Variants in CNTROB observed in about 807,000 individuals in gnomAD.
The protein encoded by CNTROB is centrobin, centriole duplication and spindle assembly protein, also known as centrobin.
Under a neutral mutation model 115.7 loss-of-function variants are expected in CNTROB, and 82 were observed. The ratio of observed to expected loss-of-function variants is 0.71; its 90% CI spans 0.59 to 0.85. The LOEUF (loss-of-function observed/expected upper bound fraction) is 0.85, where lower values mean the gene tolerates loss of function less well. Among genes scored for constraint, CNTROB ranks in the 40% least tolerant of loss-of-function variants. CNTROB has a pLI of 0.00. For missense variants in CNTROB, 1,014 were observed against 1,144.4 expected (o/e 0.89, Z 1.64); for synonymous variants, 439 against 456.4 (o/e 0.96, Z 0.49).
At chr17:7,933,614 G>T (rs1972788752) in intron 1 of CNTROB, among the ~76,000 whole-genome samples, 2 of 152,194 alleles carry the variant, frequency 1.3e-5, no homozygotes, top group Non-Finnish European at 1.5e-5. Context: ...GGGTAGGTTG[G>T]TGAGCTATTT....
In CNTROB at chr17:7,940,100, A is replaced by G; in HGVS notation, c.1169A>G (p.Lys390Arg). Residue 390 changes from lysine to arginine, a missense_variant, in exon 9 of 19, where the codon AAG (lysine) becomes AGG (arginine). Coordinates refer to ENST00000563694, the MANE Select transcript of CNTROB (RefSeq NM_053051.5). ...CATTTGATTTGTCTTTCATAGGAGA[A>G]GAGCCAGAGGGAAGCCCAGGCCGCC... ...SQAQLEREKE[K>R]SQREAQAAWE... is the part of the protein sequence containing the mutation. The G allele has an allele frequency of 6.3e-7, 1 of 1,598,528 alleles. No homozygotes were observed. The highest frequency in any genetic ancestry group is 1.1e-5 in the South Asian group (1 of 89,260).
chr17:7,944,394 A>C lies in CNTROB; in HGVS notation c.1572-82A>C, dbSNP rs144132641. On this transcript the variant is annotated intron_variant, in intron 11 of 18. Coordinates refer to ENST00000563694, the MANE Select transcript of CNTROB (RefSeq NM_053051.5). This position sits in a 1 kb window ranked among gnomAD's most constrained non-coding sequence, Gnocchi z 4.0. ...CTCCTTTCAGAATATCAGATGTCCA[A>C]CATTTCCCTTCTGGCTCTTTTTAGC... 122 of 1,583,014 alleles carry C rather than the reference A, an allele frequency of 7.7e-5. No individual in the cohort carries two copies. In the East Asian group the frequency reaches 2.6e-3, roughly 34 times the overall value.
At position 7,947,646 on chromosome 17, in the gene CNTROB, G is replaced by A; in HGVS notation, c.2069G>A (p.Gly690Glu). 1 of 1,614,004 alleles carries A rather than the reference G, an allele frequency of 6.2e-7. No individual in the cohort carries two copies. ...AGGCCATTCCCTGAGGAAGATCCTG[G>A]ACCTGACGGGGAGGGCCTCCTAAAG... ...AERPFPEEDP[G>E]PDGEGLLKQG... is the part of the protein sequence containing the mutation. Residue 690 changes from glycine to glutamate, a missense_variant, in exon 14 of 19, where the codon GGA (glycine) becomes GAA (glutamate). Coordinates refer to ENST00000563694, the MANE Select transcript of CNTROB (RefSeq NM_053051.5).
In CNTROB at chr17:7,943,294, G is replaced by A. The variant is rs2151764582; in HGVS notation, c.1312-97G>A. On this transcript the variant is annotated intron_variant, in intron 9 of 18. Coordinates refer to ENST00000563694, the MANE Select transcript of CNTROB (RefSeq NM_053051.5). The surrounding 1 kb of genome is among the most constrained non-coding windows in gnomAD (Gnocchi z 4.7). ...AATTCTTGTTCTTCATCTCATATGA[G>A]GGGAAAGTTGGTACTGGATTTTGTC... 1.2e-6 allele frequency: 1 copy of A among 842,202 alleles called. No homozygotes were observed. The highest frequency in any genetic ancestry group is 2.7e-5 in the East Asian group (1 of 37,160). 52.2% of individuals were successfully genotyped at this position (842,202 alleles called of 1,614,324 possible).
In CNTROB at chr17:7,939,383, C is replaced by T. The variant is rs1271709913; in HGVS notation, c.928-130C>T. The T allele has an allele frequency of 2.0e-5, 16 of 800,712 alleles. No individual in the cohort carries two copies. The highest frequency in any genetic ancestry group is 8.7e-5 in the Admixed American group (4 of 45,728). The allele number at this position is 800,712 out of a possible 1,614,324, so 49.6% of individuals were successfully genotyped here. On this transcript the variant is annotated intron_variant, in intron 7 of 18. Coordinates refer to ENST00000563694, the MANE Select transcript of CNTROB (RefSeq NM_053051.5). The surrounding 1 kb of genome is among the most constrained non-coding windows in gnomAD (Gnocchi z 4.4). The stretch of plus-strand genomic sequence containing the variant: ...TGCTGGGATTACAGGTGTGAGCCAC[C>T]GCACCCGGCCTAATTATTGTGTTTT...
In CNTROB at chr17:7,947,689, T is replaced by G; in HGVS notation, c.2112T>G (p.Ala704=). The G allele has an allele frequency of 6.2e-7, 1 of 1,613,162 alleles. No individual in the cohort carries two copies. The highest frequency in any genetic ancestry group is 1.1e-5 in the South Asian group (1 of 91,000). Residue 704 remains alanine (A), a synonymous_variant, in exon 14 of 19, where the codon GCT becomes GCG. Coordinates refer to ENST00000563694, the MANE Select transcript of CNTROB (RefSeq NM_053051.5). ...EGLLKQGLPP[A]QLEGLKNFLH... The stretch of plus-strand genomic sequence containing the variant: ...TCCTAAAGCAAGGGCTGCCGCCTGC[T>G]CAGCTGGAGGGCCTCAAGAATTTTT...
Position 7,932,628 on chromosome 17 carries a change from G to A in CNTROB, c.-452G>A. On this transcript the variant is annotated 5_prime_UTR_variant, in exon 1 of 19. Coordinates refer to ENST00000563694, the MANE Select transcript of CNTROB (RefSeq NM_053051.5). The stretch of plus-strand genomic sequence containing the variant: ...TGGAACCAATTGAGGGACTAGTAGG[G>A]CAGGGGGACAGAAATTGGGCTCCTA... The A allele has an allele frequency of 5.9e-6, 1 of 170,206 alleles. No individual in the cohort carries two copies. The highest frequency in any genetic ancestry group is 1.2e-5 in the Non-Finnish European group (1 of 80,062). 10.5% of individuals were successfully genotyped at this position (170,206 alleles called of 1,614,324 possible).
intron 4 of CNTROB, chr17:7,936,000 T>C (rs1449732249): frequency 5.0e-6 from 1 of 200,322 alleles, no homozygotes; most frequent in African/African-American, 2.3e-5. Context: ...CCCTTTATCC[T>C]TGCTGTGTTT....
intron 13 of CNTROB, 149 bp downstream of exon 13, chr17:7,946,135 A>G (rs2151774898): frequency 1.4e-6 from 1 of 699,106 alleles, no homozygotes; most frequent in East Asian, 2.5e-5. Flanking sequence ...ATCTGCTCAC[A>G]TTGGTCCAAA....
chr17:7,943,579 G>C lies in CNTROB; in HGVS notation c.1445+55G>C. 1.5e-5 allele frequency: 23 copies of C among 1,564,070 alleles called. No homozygotes were observed. The highest frequency in any genetic ancestry group is 1.9e-5 in the Non-Finnish European group (22 of 1,147,860). On this transcript the variant is annotated intron_variant, in intron 10 of 18. Coordinates refer to ENST00000563694, the MANE Select transcript of CNTROB (RefSeq NM_053051.5). The surrounding 1 kb of genome is among the most constrained non-coding windows in gnomAD (Gnocchi z 4.7). ...CTCAGCCACAGCACGTATCGTTAGT[G>C]CCAGGCCTGTGTTCCCTTCAATCCC...
chr17:7,947,162 A>AC (rs1332995646), intron 13 of CNTROB, among the ~76,000 whole-genome samples: 1 of 116,834 alleles, frequency 8.6e-6, no homozygotes, highest in Admixed American at 1.0e-4. Flanking sequence ...CTCCATCTCA[A>AC]AAAAAAAAAA....
In CNTROB at chr17:7,949,439, C is replaced by T. The variant is rs549931995; in HGVS notation, c.2641C>T (p.Pro881Ser). 2 of 1,614,164 alleles carry T rather than the reference C, an allele frequency of 1.2e-6. No homozygotes were observed. The highest frequency in any genetic ancestry group is 2.2e-5 in the East Asian group (1 of 44,880). The change falls in exon 19 of 19, where the codon CCT (proline) becomes TCT (serine). Residue 881 changes from proline to serine, a missense_variant. Pro to Ser is a moderately conservative substitution (Grantham distance 74). Transcript: ENST00000563694. ...TGCTACAGCCCCCAAGACTGAAAAA[C>T]CTCCCGCACGGAAGAAAAGTGGGCA... is the stretch of plus-strand genomic sequence containing the variant. ...RLATAPKTEK[P>S]PARKKSGHPA...
At chr17:7,946,927 G>A (rs748100237) in intron 13 of CNTROB, among the ~76,000 whole-genome samples, 5 of 151,728 alleles carry the variant, frequency 3.3e-5, no homozygotes, top group African/African-American at 9.7e-5. Flanking sequence ...TTGGGAGGCC[G>A]AGGCGGGCAG....
At chr17:7,947,525 C>T in intron 13 of CNTROB, 46 bp from the exon 14 acceptor site, 1 of 1,508,476 alleles carries the variant, frequency 6.6e-7, no homozygotes, top group South Asian at 1.3e-5. Flanking sequence ...AAGCCCCTTC[C>T]CCCCTGAACA....
chr17:7,932,347 A>ACC lies in CNTROB; in HGVS notation c.-733_-732insCC. 1 of 165,024 alleles carries ACC rather than the reference A, an allele frequency of 6.1e-6. No individual in the cohort carries two copies. Among genetic ancestry groups the ACC allele is most frequent in the East Asian group, 1.8e-4 (1 of 5,502 alleles). The allele number at this position is 165,024 out of a possible 1,614,324, so 10.2% of individuals were successfully genotyped here. A position where few individuals can be genotyped will look rare whatever the true frequency, so the allele number is the denominator to read the frequency against. On this transcript the variant is annotated 5_prime_UTR_variant, in exon 1 of 19. Transcript: ENST00000563694. ...GGAAGGGTGGAGAGTAGGCGGAACC[A>ACC]GGTGGTCGTCGGGGCAGAGGATCTC...
At chr17:7,947,428 C>A in intron 13 of CNTROB, 143 bp from the exon 14 acceptor site, 1 of 789,938 alleles carries the variant, frequency 1.3e-6, no homozygotes, top group Non-Finnish European at 1.9e-6. Context: ...CTTTAAACCT[C>A]CATCTTCATC....
chr17:7,941,963 CAAAA>C (rs59403978), intron 9 of CNTROB, among the ~76,000 whole-genome samples: 4 of 137,934 alleles, frequency 2.9e-5, no homozygotes, highest in Non-Finnish European at 6.4e-5. Context: ...GACCGAGTCT[CAAAA>C]AAAAAAAAGA....
At chr17:7,937,398 A>C (rs1013564546) in intron 7 of CNTROB, 136 bp downstream of exon 7, 3 of 995,282 alleles carry the variant, frequency 3.0e-6, no homozygotes, top group Non-Finnish European at 4.4e-6. Flanking sequence ...GTTCCTTAGA[A>C]CACTAATTCA....
At position 7,948,876 on chromosome 17, in the gene CNTROB, C is replaced by A; in HGVS notation, c.2514-209C>A. 6.9e-7 allele frequency: 1 copy of A among 1,458,074 alleles called. No homozygotes were observed. Among genetic ancestry groups the A allele is most frequent in the Non-Finnish European group, 9.0e-7 (1 of 1,105,354 alleles). 90.3% of individuals were successfully genotyped at this position (1,458,074 alleles called of 1,614,324 possible). A position where few individuals can be genotyped will look rare whatever the true frequency, so the allele number is the denominator to read the frequency against. ...ACCTTCGTTTTTTTCCTCTTTACCC[C>A]TCAGCTCAAAACTCAGAATCCTAGA... On this transcript the variant is annotated intron_variant, in intron 17 of 18. Coordinates refer to ENST00000563694, the MANE Select transcript of CNTROB (RefSeq NM_053051.5). The surrounding 1 kb of genome is among the most constrained non-coding windows in gnomAD (Gnocchi z 4.4).
Sources: gnomAD v4.1 joint callset for allele counts (sites outside exome capture counted in the v4.1 genomes callset) on GRCh38, gnomAD v4.1.1 for gene constraint, Gnocchi (gnomAD v3.1) non-coding constraint, MANE v1.5 for transcripts, NCBI Gene and HGNC (gene_info 2026-07-23, HGNC 2026-07-21) for gene names.